The following TTC8 variants were observed in gnomAD, a reference collection of about 807,000 sequenced individuals.
TTC8 encodes tetratricopeptide repeat protein 8.
Under a neutral mutation model 72.5 loss-of-function variants are expected in TTC8, and 47 were observed. That is an observed-to-expected ratio of 0.65 (90% confidence interval 0.51 to 0.83). TTC8 has a LOEUF of 0.83. Ranked by LOEUF, TTC8 falls within the 40% of genes least tolerant of loss-of-function variation. The pLI is 0.00. For synonymous variants in TTC8, 199 were observed against 221.4 expected (o/e 0.90, Z 0.90); for missense variants, 611 against 623.2 (o/e 0.98, Z 0.21).
At position 88,830,860 on chromosome 14, in the gene TTC8, G is replaced by T. The variant is rs113982416; in HGVS notation, c.115-2833G>T. On this transcript the variant is annotated intron_variant, in intron 1 of 14. Coordinates refer to ENST00000380656, the MANE Select transcript of TTC8 (RefSeq NM_144596.4). ...CCCTATCTCCTAATTAAAACATTCC[G>T]ACTCTTCCTTCATAGTCCTGCTCCT... The T allele has an allele frequency of 7.3e-4, 333 of 455,946 alleles. 3 individuals are homozygous for T. The East Asian group carries it at 0.02, about 27-fold the overall frequency. The allele number at this position is 455,946 out of a possible 1,614,324, so 28.2% of individuals were successfully genotyped here. A position where few individuals can be genotyped will look rare whatever the true frequency, so the allele number is the denominator to read the frequency against.
intron 1 of TTC8, among the ~76,000 whole-genome samples, chr14:88,829,743 A>C (rs1328889339): frequency 6.6e-6 from 1 of 152,154 alleles, no homozygotes; most frequent in Non-Finnish European, 1.5e-5. Context: ...ATTATTGTAA[A>C]TGGTTTGAAG....
At chr14:88,870,017 A>G (rs1339580801) in intron 10 of TTC8, 42 bp from the exon 11 acceptor site, 1 of 1,607,052 alleles carries the variant, frequency 6.2e-7, no homozygotes, top group Non-Finnish European at 8.5e-7. Flanking sequence ...TTTTTTGTCC[A>G]ATATTAATAA....
intron 13 of TTC8, 69 bp downstream of exon 13, chr14:88,872,521 C>T: frequency 6.3e-7 from 1 of 1,599,040 alleles, no homozygotes. Context: ...TGTGTGGTAG[C>T]ATTACAGCGT....
chr14:88,877,416 C>T lies in TTC8; in HGVS notation c.*6C>T. 1 of 1,601,664 alleles carries T rather than the reference C, an allele frequency of 6.2e-7. No homozygotes were observed. Among genetic ancestry groups the T allele is most frequent in the Non-Finnish European group, 8.6e-7 (1 of 1,168,852 alleles). ...AGCATTTTGCTATGCTCTGATTGTT[C>T]CTTAGACCACATATGTTCTTATGAA... On this transcript the variant is annotated 3_prime_UTR_variant, in exon 15 of 15. Coordinates refer to ENST00000380656, the MANE Select transcript of TTC8 (RefSeq NM_144596.4).
At chr14:88,828,755 GA>G (rs1445983703) in intron 1 of TTC8, among the ~76,000 whole-genome samples, 1 of 152,158 alleles carries the variant, frequency 6.6e-6, no homozygotes, top group East Asian at 1.9e-4. Context: ...GCTTCAAAAA[GA>G]TAACATTTTG....
At chr14:88,866,559 C>T (rs1023424769) in intron 10 of TTC8, among the ~76,000 whole-genome samples, 19 of 152,260 alleles carry the variant, frequency 1.2e-4, no homozygotes, top group African/African-American at 4.3e-4. Context: ...AGTAAAATCA[C>T]CACAGAGATG....
Position 88,841,426 on chromosome 14 carries a change from C to T in TTC8, c.491C>T (p.Ala164Val), listed in dbSNP as rs1181527341. Residue 164 changes from alanine to valine, a missense_variant and splice_region_variant, in exon 6 of 15, where the codon GCT (alanine) becomes GTT (valine). By Grantham distance (64) the Ala-to-Val change is moderately conservative. Coordinates refer to ENST00000380656, the MANE Select transcript of TTC8 (RefSeq NM_144596.4). Reference sequence around the variant, plus strand: ...TGGTCTATTGTTTTTCCTCTGTAGGCTTCCATGCTTACAAGTCCTGATGGA... The same window carrying T: ...TGGTCTATTGTTTTTCCTCTGTAGGTTTCCATGCTTACAAGTCCTGATGGA... ...SSGRFVRLGT[A>V]SMLTSPDGPF... The T allele has an allele frequency of 6.2e-7, 1 of 1,613,598 alleles. No homozygotes were observed. The highest frequency in any genetic ancestry group is 2.2e-5 in the East Asian group (1 of 44,806).
intron 9 of TTC8, among the ~76,000 whole-genome samples, chr14:88,860,669 C>G (rs1053001524): frequency 2.6e-5 from 4 of 152,132 alleles, no homozygotes; most frequent in Admixed American, 6.5e-5. Context: ...TATTGCCAGT[C>G]TCTGGCAATA....
intron 10 of TTC8, among the ~76,000 whole-genome samples, chr14:88,866,481 G>A (rs2094910161): frequency 6.6e-6 from 1 of 151,650 alleles, no homozygotes; most frequent in Admixed American, 6.6e-5. Context: ...TCCATGTCAT[G>A]GTGTGGCTTT....
chr14:88,864,338 C>T (rs1275608544), intron 10 of TTC8, among the ~76,000 whole-genome samples: 1 of 152,198 alleles, frequency 6.6e-6, no homozygotes, highest in African/African-American at 2.4e-5. Flanking sequence ...ACAACCTTAA[C>T]CAGTGGAATT....
At chr14:88,835,563 G>A (rs2094746699) in intron 2 of TTC8, among the ~76,000 whole-genome samples, 2 of 152,066 alleles carry the variant, frequency 1.3e-5, no homozygotes, top group Admixed American at 1.3e-4. Flanking sequence ...TATTTTTATT[G>A]ATATTATGGT....
intron 3 of TTC8, 64 bp downstream of exon 3, chr14:88,839,636 G>C: frequency 6.4e-7 from 1 of 1,562,236 alleles, no homozygotes. Context: ...CTGTGTATAA[G>C]AGGAATATAT....
chr14:88,843,793 T>C lies in TTC8; in HGVS notation c.580-13T>C, dbSNP rs1184557746. On this transcript the variant is annotated splice_polypyrimidine_tract_variant and intron_variant, in intron 6 of 14. Coordinates refer to ENST00000380656, the MANE Select transcript of TTC8 (RefSeq NM_144596.4). ...AAAAATCTAACGTATTTTTGACACT[T>C]TTTTCTTCACAGGCTTTGTTTGAGT... The C allele has an allele frequency of 5.7e-6, 9 of 1,591,626 alleles. No homozygotes were observed. The highest frequency in any genetic ancestry group is 7.7e-6 in the Non-Finnish European group (9 of 1,166,336).
chr14:88,835,662 T>C (rs1396285542), intron 2 of TTC8, among the ~76,000 whole-genome samples: 1 of 152,176 alleles, frequency 6.6e-6, no homozygotes. Context: ...AGTAAACATA[T>C]CTGATAAGGC....
chr14:88,862,777 T>G (rs2094894089), intron 10 of TTC8, among the ~76,000 whole-genome samples: 1 of 149,906 alleles, frequency 6.7e-6, no homozygotes, highest in Non-Finnish European at 1.5e-5. Flanking sequence ...AAATGGGATC[T>G]TACTTTGTTG....
chr14:88,825,968 T>A (rs1037368950), intron 1 of TTC8, among the ~76,000 whole-genome samples: 4 of 152,142 alleles, frequency 2.6e-5, no homozygotes, highest in Non-Finnish European at 4.4e-5. Context: ...CAAGGTTTTT[T>A]TAAATTTTTT....
downstream of TTC8, chr14:88,879,215 C>A (rs1410046844): frequency 6.6e-6 from 1 of 152,160 alleles, no homozygotes; most frequent in Non-Finnish European, 1.5e-5. Context: ...GATGACATAG[C>A]ACCGTGGATG....
At chr14:88,837,940 A>G (rs1025696706) in intron 2 of TTC8, among the ~76,000 whole-genome samples, 1 of 152,038 alleles carries the variant, frequency 6.6e-6, no homozygotes, top group Non-Finnish European at 1.5e-5. Flanking sequence ...TACTCATCTA[A>G]TTGTGTTAAA....
chr14:88,876,912 A>G (rs1370895238), intron 14 of TTC8, among the ~76,000 whole-genome samples: 2 of 152,186 alleles, frequency 1.3e-5, no homozygotes, highest in African/African-American at 2.4e-5. Context: ...TTTCTGAGCT[A>G]TCTAGAGCTG....
Sources: allele counts gnomAD v4.1 joint callset (sites outside exome capture counted in the v4.1 genomes callset), GRCh38; gene constraint gnomAD v4.1.1; transcripts MANE v1.5; gene names NCBI Gene and HGNC (gene_info 2026-07-23, HGNC 2026-07-21).